ZNF266: variants seen among roughly 807,000 people sequenced by gnomAD.
ZNF266 encodes zinc finger protein 266.
Under a neutral mutation model 16.4 loss-of-function variants are expected in ZNF266, and 16 were observed. The ratio of observed to expected loss-of-function variants is 0.98; its 90% CI spans 0.66 to 1.48. The LOEUF (loss-of-function observed/expected upper bound fraction) is 1.48, where lower values mean the gene tolerates loss of function less well. ZNF266 is among the 40% of genes most tolerant of loss of function. ZNF266 has a pLI of 0.00. For missense variants in ZNF266, 738 were observed against 689.1 expected (o/e 1.07, Z -0.79); for synonymous variants, 262 against 237.9 (o/e 1.10, Z -0.93).
At chr19:9,434,368 GC>G (rs1478870929) in intron 3 of ZNF266, 133 bp from the exon 4 acceptor site, 1 of 152,120 alleles carries the variant, frequency 6.6e-6, no homozygotes, top group Non-Finnish European at 1.5e-5. Context: ...CCTAAGAACA[GC>G]CCTAGGCTGA....
Position 9,414,592 on chromosome 19 carries a change from A to G in ZNF266, c.534T>C (p.Tyr178=). The G allele has an allele frequency of 1.2e-6, 2 of 1,613,470 alleles. No individual in the cohort carries two copies. Among genetic ancestry groups the G allele is most frequent in the East Asian group, 4.5e-5 (2 of 44,854 alleles). Residue 178 remains tyrosine, a synonymous_variant, in exon 11 of 11, where the codon TAT becomes TAC. Transcript: ENST00000592904. The part of the protein sequence containing the change: ...NSENTFECYL[Y]GVDFLTLHKK... ...TGTGCAGAGTAAGGAAGTCTACTCC[A>G]TACAGATAACACTCAAATGTGTTCT...
intron 5 of ZNF266, among the ~76,000 whole-genome samples, chr19:9,429,304 T>C (rs1244334100): frequency 4.6e-5 from 7 of 152,010 alleles, no homozygotes; most frequent in African/African-American, 1.2e-4. Context: ...TTACTAACAT[T>C]AGATTGTCCC....
chr19:9,418,524 G>A lies in ZNF266; in HGVS notation c.216C>T (p.Tyr72=), dbSNP rs993733627. ...NLYRDVMLEN[Y]KNLATVGYQL... is the part of the protein sequence containing the mutation. The stretch of plus-strand genomic sequence containing the variant: ...TCTTACCTACTGTGGCCAAATTCTT[G>A]TAGTTCTCCAGCATCACATCTCTGT... Residue 72 remains tyrosine (Y), a synonymous_variant, in exon 8 of 11, where the codon TAC becomes TAT. Transcript: ENST00000592904. The A allele has an allele frequency of 1.2e-6, 2 of 1,614,196 alleles. No homozygotes were observed. Among genetic ancestry groups the A allele is most frequent in the Admixed American group, 1.7e-5 (1 of 60,034 alleles).
At chr19:9,414,798 C>T in intron 10 of ZNF266, 78 bp from the exon 11 acceptor site, 1 of 1,395,318 alleles carries the variant, frequency 7.2e-7, no homozygotes, top group South Asian at 1.6e-5. Context: ...AAGAGAGGAA[C>T]ACTGTGATGA....
chr19:9,413,100 CAA>C lies in ZNF266; in HGVS notation c.*173_*174del, dbSNP rs1319471656. 6.8e-6 allele frequency: 5 copies of C among 738,466 alleles called. No individual in the cohort carries two copies. Among genetic ancestry groups the C allele is most frequent in the African/African-American group, 1.8e-5 (1 of 56,382 alleles). The allele number at this position is 738,466 out of a possible 1,614,324, so 45.7% of individuals were successfully genotyped here. A position where few individuals can be genotyped will look rare whatever the true frequency, so the allele number is the denominator to read the frequency against. Reference sequence around the variant, plus strand: ...TGTTTGGTAAGGCTTGAGAATTCAGCAAAGTCATTTCCACATTCCCTGATGCA... The same window carrying C: ...TGTTTGGTAAGGCTTGAGAATTCAGCAGTCATTTCCACATTCCCTGATGCA... On this transcript the variant is annotated 3_prime_UTR_variant, in exon 11 of 11. Coordinates refer to ENST00000592904, the MANE Select transcript of ZNF266 (RefSeq NM_001370374.1).
intron 3 of ZNF266, among the ~76,000 whole-genome samples, 193 bp downstream of exon 3, chr19:9,434,605 T>C (rs2072170579): frequency 6.6e-6 from 1 of 152,182 alleles, no homozygotes; most frequent in Non-Finnish European, 1.5e-5. Flanking sequence ...ACGTAATAGA[T>C]CCCAAAACAA....
rs187316678 is a variant in ZNF266, at chr19:9,426,658, G to A, written c.-129-6440C>T. 3.3e-3 allele frequency among the ~76,000 whole-genome samples: 506 copies of A among 152,014 alleles called. 1 individual carries two copies. The highest frequency in any genetic ancestry group is 5.5e-3 in the Non-Finnish European group (373 of 67,980). ...TTTAAACACAGACCATGAGACATGG[G>A]GAAAAAAATAAAAGGTAACTAGACT... On this transcript the variant is annotated intron_variant, in intron 5 of 10. Coordinates refer to ENST00000592904, the MANE Select transcript of ZNF266 (RefSeq NM_001370374.1).
At position 9,414,560 on chromosome 19, in the gene ZNF266, G is replaced by A; in HGVS notation, c.566C>T (p.Thr189Ile). The A allele has an allele frequency of 6.2e-7, 1 of 1,613,926 alleles. No homozygotes were observed. Among genetic ancestry groups the A allele is most frequent in the Admixed American group, 1.7e-5 (1 of 60,014 alleles). Reference protein sequence around the residue: ...GVDFLTLHKKTSTGEQRSVFS... With the variant: ...GVDFLTLHKKISTGEQRSVFS... Reference sequence around the variant, plus strand: ...TACAGAACGTTGCTCTCCAGTAGAGGTTTTCTTGTGCAGAGTAAGGAAGTC... The same window carrying A: ...TACAGAACGTTGCTCTCCAGTAGAGATTTTCTTGTGCAGAGTAAGGAAGTC... Residue 189 changes from threonine (T) to isoleucine (I), a missense_variant, in exon 11 of 11, where the codon ACC becomes ATC. Transcript: ENST00000592904.
intron 5 of ZNF266, among the ~76,000 whole-genome samples, chr19:9,429,621 A>G (rs1221138942): frequency 6.6e-6 from 1 of 152,128 alleles, no homozygotes; most frequent in African/African-American, 2.4e-5. Flanking sequence ...CCACCATTAC[A>G]CTAAAACCTC....
At chr19:9,415,775 A>C in intron 9 of ZNF266, 33 bp from the exon 10 acceptor site, 1 of 1,568,802 alleles carries the variant, frequency 6.4e-7, no homozygotes, top group South Asian at 1.1e-5. Flanking sequence ...GGGTTTGGAG[A>C]CATACAGGGT....
At position 9,413,529 on chromosome 19, in the gene ZNF266, A is replaced by T; in HGVS notation, c.1597T>A (p.Cys533Ser). ...TTAAAAGCTTTGCCACATTCCATAC[A>T]CGTGAATGGTTTTTTGGCGCTGTGG... ...RTHSAKKPFT[C>S]MECGKAFKFP... Residue 533 changes from cysteine (C) to serine (S), a missense_variant, in exon 11 of 11, where the codon TGT becomes AGT. By Grantham distance (112) the Cys-to-Ser change is moderately radical (BLOSUM62 -1). Coordinates refer to ENST00000592904, the MANE Select transcript of ZNF266 (RefSeq NM_001370374.1). 6.2e-7 allele frequency: 1 copy of T among 1,613,300 alleles called. No individual in the cohort carries two copies. Among genetic ancestry groups the T allele is most frequent in the South Asian group, 1.1e-5 (1 of 91,012 alleles).
intron 5 of ZNF266, chr19:9,420,663 G>A (rs947920405): frequency 6.6e-6 from 1 of 152,048 alleles, no homozygotes; most frequent in African/African-American, 2.4e-5. Flanking sequence ...GCTGAGGCAG[G>A]AGAATCGCTT....
At chr19:9,414,836 C>T in intron 10 of ZNF266, 116 bp from the exon 11 acceptor site, 1 of 1,249,738 alleles carries the variant, frequency 8.0e-7, no homozygotes, top group Non-Finnish European at 1.1e-6. Context: ...ATTTTCATTA[C>T]ACACATATAA....
intron 5 of ZNF266, among the ~76,000 whole-genome samples, chr19:9,427,767 A>G (rs1427605612): frequency 6.6e-6 from 1 of 152,076 alleles, no homozygotes; most frequent in East Asian, 1.9e-4. Context: ...ACGAGATCTT[A>G]ACAACATCCA....
chr19:9,414,196 C>T lies in ZNF266; in HGVS notation c.930G>A (p.Lys310=). 1 of 1,614,148 alleles carries T rather than the reference C, an allele frequency of 6.2e-7. No homozygotes were observed. The highest frequency in any genetic ancestry group is 8.5e-7 in the Non-Finnish European group (1 of 1,180,018). ...ACCTGGTGAAGGCTTTCCCACACTC[C>T]TTACACTCATAGGGATTGTCTCCAG... ...THTGDNPYEC[K]ECGKAFTRSC... The change falls in exon 11 of 11, where the codon AAG becomes AAA. Residue 310 remains lysine, a synonymous_variant. Coordinates refer to ENST00000592904, the MANE Select transcript of ZNF266 (RefSeq NM_001370374.1).
At chr19:9,416,236 A>G (rs553695511) in intron 9 of ZNF266, among the ~76,000 whole-genome samples, 2 of 152,326 alleles carry the variant, frequency 1.3e-5, no homozygotes, top group South Asian at 2.1e-4. Context: ...AATTTTACAT[A>G]GTTTACTACA....
Position 9,412,435 on chromosome 19 carries a change from C to A in ZNF266, c.*840G>T, listed in dbSNP as rs559499182. On this transcript the variant is annotated 3_prime_UTR_variant, in exon 11 of 11. Coordinates refer to ENST00000592904, the MANE Select transcript of ZNF266 (RefSeq NM_001370374.1). ...AGCTAATGAACGGAAAAAATAATCACAAAAAAATTTTATTATGTTTGAAGA... is the reference window on the plus strand; with the variant it reads ...AGCTAATGAACGGAAAAAATAATCAAAAAAAAATTTTATTATGTTTGAAGA... Among the ~76,000 whole-genome samples, 3 of 152,108 alleles carry A rather than the reference C, an allele frequency of 2.0e-5. No individual in the cohort carries two copies. Among genetic ancestry groups the A allele is most frequent in the African/African-American group, 7.2e-5 (3 of 41,416 alleles).
intron 5 of ZNF266, among the ~76,000 whole-genome samples, chr19:9,431,165 C>T (rs1375715791): frequency 3.3e-5 from 5 of 152,130 alleles, no homozygotes; most frequent in Admixed American, 1.3e-4. Flanking sequence ...CAAAAGGGAG[C>T]GTTGCCTGCT....
intron 10 of ZNF266, among the ~76,000 whole-genome samples, chr19:9,415,282 A>C (rs2068809868): frequency 6.6e-6 from 1 of 152,164 alleles, no homozygotes; most frequent in South Asian, 2.1e-4. Flanking sequence ...GTGACAGACC[A>C]AGACTCTGTC....
Sources: allele counts gnomAD v4.1 joint callset (sites outside exome capture counted in the v4.1 genomes callset), GRCh38; gene constraint gnomAD v4.1.1; transcripts MANE v1.5; gene names NCBI Gene and HGNC (gene_info 2026-07-23, HGNC 2026-07-21).